The following MAST4 variants were observed in gnomAD, a reference collection of about 807,000 sequenced individuals.
The protein encoded by MAST4 is microtubule-associated serine/threonine-protein kinase 4.
A neutral mutation model predicts 162.7 loss-of-function variants in MAST4; 89 were observed. The ratio of observed to expected loss-of-function variants is 0.55; its 90% CI spans 0.46 to 0.65. The LOEUF (loss-of-function observed/expected upper bound fraction) is 0.65. MAST4 is among the 30% of genes least tolerant of loss of function. The probability of loss-of-function intolerance (pLI) is 0.00; values close to 1 mark genes in which losing one functional copy is unlikely to be tolerated. For missense variants in MAST4, 3,153 were observed against 3,374.0 expected, an observed-to-expected ratio of 0.93 and a Z score of 1.62; for synonymous variants, 1,479 against 1,361.1, an observed-to-expected ratio of 1.09 and a Z score of -1.91.
intron 4 of MAST4, among the ~76,000 whole-genome samples, chr5:66,913,934 T>C (rs1763939215): frequency 6.6e-6 from 1 of 152,182 alleles, no homozygotes; most frequent in African/African-American, 2.4e-5. Flanking sequence ...TTGTCAAAAA[T>C]TAGTTGTCTG....
intron 3 of MAST4, among the ~76,000 whole-genome samples, chr5:66,850,390 CTCTG>C (rs1489554004): frequency 1.3e-5 from 2 of 152,220 alleles, no homozygotes; most frequent in African/African-American, 2.4e-5. Context: ...TGTTTGTTCG[CTCTG>C]TCTGTCTACA....
At chr5:67,130,106 G>C in intron 14 of MAST4, 104 bp from the exon 15 acceptor site, 1 of 1,048,356 alleles carries the variant, frequency 9.5e-7, no homozygotes, top group Admixed American at 2.4e-5. Flanking sequence ...TCCACCTGCT[G>C]TGAGAACTTT....
intron 1 of MAST4, among the ~76,000 whole-genome samples, chr5:66,736,294 T>C (rs963039177): frequency 7.9e-5 from 12 of 151,478 alleles, no homozygotes; most frequent in Non-Finnish European, 1.6e-4. Flanking sequence ...GAGAATACTT[T>C]GGCAACCATG....
chr5:66,867,640 A>T (rs915014192), intron 3 of MAST4, among the ~76,000 whole-genome samples: 35 of 152,322 alleles, frequency 2.3e-4, no homozygotes, highest in African/African-American at 7.9e-4. Flanking sequence ...TTCTTTTATT[A>T]ATGATAGTTA....
intron 3 of MAST4, among the ~76,000 whole-genome samples, chr5:66,838,709 G>A (rs757780408): frequency 2.0e-5 from 3 of 152,196 alleles, no homozygotes; most frequent in African/African-American, 7.2e-5. Context: ...AACAGGTACT[G>A]ATTAGGCAAG....
chr5:66,704,313 C>A lies in MAST4; in HGVS notation c.364-55396C>A, dbSNP rs78911734. 4.7e-3 allele frequency among the ~76,000 whole-genome samples: 721 copies of A among 152,132 alleles called. 3 individuals carry two copies. The highest frequency in any genetic ancestry group is 7.0e-3 in the Non-Finnish European group (473 of 67,996). ...GTTTCCTTATCTGTGAAATGGGGAT[C>A]CTGAGAACTACTTCATTGGGTGCAT... On this transcript the variant is annotated intron_variant, in intron 1 of 28. Transcript: ENST00000403625.
At chr5:67,113,517 T>C (rs1374482137) in intron 11 of MAST4, among the ~76,000 whole-genome samples, 1 of 152,170 alleles carries the variant, frequency 6.6e-6, no homozygotes, top group African/African-American at 2.4e-5. Flanking sequence ...ATTTCCTATT[T>C]TTCTTTCTTG....
At chr5:66,758,828 C>A (rs140028136) in intron 1 of MAST4, among the ~76,000 whole-genome samples, 2 of 152,208 alleles carry the variant, frequency 1.3e-5, no homozygotes, top group East Asian at 3.9e-4. Flanking sequence ...CAGAGTTAAC[C>A]TTTTTATGTA....
intron 14 of MAST4, among the ~76,000 whole-genome samples, chr5:67,125,249 CTT>C (rs200572968): frequency 3.5e-5 from 5 of 142,234 alleles, no homozygotes; most frequent in East Asian, 2.0e-4. Flanking sequence ...TTTTTTGGTT[CTT>C]TTTTTTTTTT....
intron 4 of MAST4, among the ~76,000 whole-genome samples, chr5:66,943,810 G>T (rs1436164934): frequency 6.6e-6 from 1 of 152,110 alleles, no homozygotes; most frequent in Non-Finnish European, 1.5e-5. Flanking sequence ...CACTTGATGA[G>T]CATGCCTTTT....
intron 1 of MAST4, among the ~76,000 whole-genome samples, chr5:66,728,524 G>A (rs1022881284): frequency 9.9e-5 from 15 of 152,088 alleles, no homozygotes; most frequent in Non-Finnish European, 1.9e-4. Flanking sequence ...CCTTTGCGTC[G>A]TAGGTCTACA....
At chr5:66,617,535 C>G (rs1743776549) in intron 1 of MAST4, among the ~76,000 whole-genome samples, 2 of 151,740 alleles carry the variant, frequency 1.3e-5, no homozygotes, top group South Asian at 4.2e-4. Flanking sequence ...TTAACAGTTA[C>G]TTTTAAAAAT....
rs112030360 is a variant in MAST4 at position 66,929,461 on chromosome 5, C to A, written c.674+29479C>A. On this transcript the variant is annotated intron_variant, in intron 4 of 28. Coordinates refer to ENST00000403625, the MANE Select transcript of MAST4 (RefSeq NM_001164664.2). ...TCTCCTCTGGACACACCCTCAAAGA[C>A]ACACTCAGAAATAATGCTTTACCAG... Among the ~76,000 whole-genome samples, 1,163 of 152,282 alleles carry A rather than the reference C, an allele frequency of 7.6e-3. 10 individuals carry two copies. The highest frequency in any genetic ancestry group is 0.027 in the African/African-American group (1,108 of 41,554).
intron 5 of MAST4, among the ~76,000 whole-genome samples, chr5:67,075,911 T>A (rs1357091750): frequency 6.6e-6 from 1 of 152,186 alleles, no homozygotes; most frequent in Non-Finnish European, 1.5e-5. Context: ...TTATTACATG[T>A]CTTGGTAAAA....
intron 3 of MAST4, among the ~76,000 whole-genome samples, chr5:66,819,695 CA>C (rs2149729803): frequency 6.6e-6 from 1 of 151,272 alleles, no homozygotes; most frequent in African/African-American, 2.4e-5. Flanking sequence ...TTTGTGTTTA[CA>C]TTTTTTGTTT....
At chr5:66,961,081 G>A (rs1745955648) in intron 4 of MAST4, among the ~76,000 whole-genome samples, 1 of 152,184 alleles carries the variant, frequency 6.6e-6, no homozygotes, top group Admixed American at 6.5e-5. Context: ...GTATTAGTAT[G>A]TGATTTACTT....
intron 4 of MAST4, among the ~76,000 whole-genome samples, chr5:66,915,994 A>C (rs1431241242): frequency 6.6e-6 from 1 of 152,250 alleles, no homozygotes; most frequent in Non-Finnish European, 1.5e-5. Context: ...CCAGTGCAGC[A>C]GCCACTAGCC....
intron 1 of MAST4, among the ~76,000 whole-genome samples, chr5:66,754,281 G>C (rs2149600833): frequency 6.6e-6 from 1 of 152,292 alleles, no homozygotes; most frequent in East Asian, 1.9e-4. Flanking sequence ...CAGGGATACA[G>C]TTAAAAAGTT....
At chr5:67,062,176 C>T (rs1291625080) in intron 5 of MAST4, among the ~76,000 whole-genome samples, 2 of 151,994 alleles carry the variant, frequency 1.3e-5, no homozygotes, top group South Asian at 2.1e-4. Flanking sequence ...CTGAGGTGGG[C>T]GGATTACGAG....
Sources: allele counts gnomAD v4.1 joint callset (sites outside exome capture counted in the v4.1 genomes callset), GRCh38; gene constraint gnomAD v4.1.1; transcripts MANE v1.5; gene names NCBI Gene and HGNC (gene_info 2026-07-23, HGNC 2026-07-21).